The following CHST11 variants were observed in gnomAD, a reference collection of about 807,000 sequenced individuals.
CHST11 encodes the protein C4S-1.
Under a neutral mutation model 30.4 loss-of-function variants are expected in CHST11, and 9 were observed. The observed-to-expected ratio is 0.30, with a 90% CI of 0.18 to 0.52. The LOEUF (loss-of-function observed/expected upper bound fraction) is 0.52. Among genes scored for constraint, CHST11 ranks in the 20% least tolerant of loss-of-function variants. The pLI, the probability that CHST11 is intolerant of heterozygous loss-of-function variation, is 0.97. For synonymous variants in CHST11, 152 were observed against 187.8 expected (o/e 0.81, Z 1.56); for missense variants, 348 against 460.6 (o/e 0.76, Z 2.24).
intron 1 of CHST11, among the ~76,000 whole-genome samples, chr12:104,535,593 A>G (rs2038228998): frequency 6.6e-6 from 1 of 152,156 alleles, no homozygotes. Context: ...GTATTTGCAA[A>G]TATCTTCTCC....
chr12:104,606,005 A>G (rs567527135), intron 2 of CHST11, among the ~76,000 whole-genome samples: 2 of 152,000 alleles, frequency 1.3e-5, no homozygotes, highest in East Asian at 3.9e-4. Flanking sequence ...TGTGATTACT[A>G]TGTTGCAAGG....
At chr12:104,679,746 G>A (rs1357910222) in intron 2 of CHST11, among the ~76,000 whole-genome samples, 1 of 152,132 alleles carries the variant, frequency 6.6e-6, no homozygotes, top group Non-Finnish European at 1.5e-5. Flanking sequence ...GTAATTCATG[G>A]TAGAGCACAG....
chr12:104,556,150 AT>A (rs2038453161), intron 1 of CHST11, among the ~76,000 whole-genome samples: 1 of 152,098 alleles, frequency 6.6e-6, no homozygotes, highest in African/African-American at 2.4e-5. Flanking sequence ...ATGCTTGTTT[AT>A]TTTTTTATTC....
intron 2 of CHST11, among the ~76,000 whole-genome samples, chr12:104,657,722 G>A (rs142558444): frequency 1.7e-3 from 261 of 152,246 alleles, no homozygotes; most frequent in Admixed American, 3.0e-3. Flanking sequence ...TGATGGTGGC[G>A]CTGGCTACCT....
At chr12:104,532,138 C>T (rs2038191556) in intron 1 of CHST11, among the ~76,000 whole-genome samples, 1 of 152,216 alleles carries the variant, frequency 6.6e-6, no homozygotes, top group Non-Finnish European at 1.5e-5. Flanking sequence ...CTTCCAGCCC[C>T]ACGAATCGGC....
In CHST11 at chr12:104,543,602, A is replaced by G. The variant is rs2038306016; in HGVS notation, c.119-58304A>G. On this transcript the variant is annotated intron_variant, in intron 1 of 2. Transcript: ENST00000303694. ...TCGGCTCAGAGTCTTACAGGAGTCC[A>G]GGAGTATAAGTTGAGGGAAATTAAT... 2.0e-5 allele frequency among the ~76,000 whole-genome samples: 3 copies of G among 152,072 alleles called. No homozygotes were observed. In the South Asian group the frequency reaches 6.2e-4, roughly 32 times the overall value.
intron 1 of CHST11, among the ~76,000 whole-genome samples, chr12:104,548,211 C>T (rs2038370181): frequency 6.6e-6 from 1 of 152,130 alleles, no homozygotes; most frequent in African/African-American, 2.4e-5. Flanking sequence ...GTAGGTGGTG[C>T]TTAGTGGTTT....
At chr12:104,491,731 C>A (rs2037749064) in intron 1 of CHST11, among the ~76,000 whole-genome samples, 1 of 152,130 alleles carries the variant, frequency 6.6e-6, no homozygotes, top group Non-Finnish European at 1.5e-5. Context: ...CCTGTCTCAT[C>A]CTCCCAAAGT....
intron 2 of CHST11, among the ~76,000 whole-genome samples, chr12:104,664,961 G>T (rs1373943616): frequency 6.6e-6 from 1 of 152,204 alleles, no homozygotes; most frequent in Non-Finnish European, 1.5e-5. Flanking sequence ...GTTAATTACA[G>T]TAATGAATGT....
intron 1 of CHST11, among the ~76,000 whole-genome samples, chr12:104,569,116 T>C (rs1030884384): frequency 6.6e-6 from 1 of 152,108 alleles, no homozygotes; most frequent in Non-Finnish European, 1.5e-5. Flanking sequence ...GTATCCACGG[T>C]CACAGAGCCA....
chr12:104,730,283 G>A (rs1235810808), intron 2 of CHST11, among the ~76,000 whole-genome samples: 1 of 152,224 alleles, frequency 6.6e-6, no homozygotes, highest in Non-Finnish European at 1.5e-5. Context: ...ACGGCCTCTT[G>A]TATGACATGG....
chr12:104,517,797 T>G (rs1263656013), intron 1 of CHST11, among the ~76,000 whole-genome samples: 1 of 152,186 alleles, frequency 6.6e-6, no homozygotes, highest in Non-Finnish European at 1.5e-5. Flanking sequence ...ATGACAAGGA[T>G]GTGGTGTTCC....
chr12:104,541,501 A>C (rs2038287100), intron 1 of CHST11, among the ~76,000 whole-genome samples: 1 of 152,050 alleles, frequency 6.6e-6, no homozygotes, highest in African/African-American at 2.4e-5. Context: ...TCCTTGCCTG[A>C]GTATTTAGGA....
chr12:104,656,675 G>A (rs1320036233), intron 2 of CHST11, among the ~76,000 whole-genome samples: 2 of 152,154 alleles, frequency 1.3e-5, no homozygotes, highest in South Asian at 2.1e-4. Context: ...CTTTGCTCAT[G>A]GGATGTTGGG....
At chr12:104,564,880 G>C (rs935573592) in intron 1 of CHST11, among the ~76,000 whole-genome samples, 3 of 152,216 alleles carry the variant, frequency 2.0e-5, no homozygotes, top group Non-Finnish European at 4.4e-5. Flanking sequence ...GCAGGCAAGA[G>C]AGTGTGTGCA....
At chr12:104,509,951 A>T (rs2037948498) in intron 1 of CHST11, among the ~76,000 whole-genome samples, 1 of 152,166 alleles carries the variant, frequency 6.6e-6, no homozygotes, top group Admixed American at 6.5e-5. Context: ...TGTTTCAGGG[A>T]CCTAGGCTCC....
chr12:104,743,004 G>T (rs1039666604), intron 2 of CHST11, among the ~76,000 whole-genome samples: 1 of 152,226 alleles, frequency 6.6e-6, no homozygotes, highest in Non-Finnish European at 1.5e-5. Context: ...TGGGGGCTGC[G>T]GGTTTAGGCA....
chr12:104,576,891 G>A (rs1189718593), intron 1 of CHST11, among the ~76,000 whole-genome samples: 2 of 152,302 alleles, frequency 1.3e-5, no homozygotes, highest in Admixed American at 6.5e-5. Flanking sequence ...TTAAGGGATG[G>A]AGGAGGAACT....
At chr12:104,696,178 A>G (rs536909412) in intron 2 of CHST11, among the ~76,000 whole-genome samples, 7 of 151,804 alleles carry the variant, frequency 4.6e-5, no homozygotes, top group Non-Finnish European at 4.4e-5. Flanking sequence ...GCTCCCACCC[A>G]CCCTACCTTT....
Sources: allele counts gnomAD v4.1 joint callset (sites outside exome capture counted in the v4.1 genomes callset), GRCh38; gene constraint gnomAD v4.1.1; transcripts MANE v1.5; gene names NCBI Gene and HGNC (gene_info 2026-07-23, HGNC 2026-07-21).